Variants in MAP4K5 observed in about 807,000 individuals in gnomAD.
The protein encoded by MAP4K5 is mitogen-activated protein kinase kinase kinase kinase 5.
MAP4K5 carries 82 observed loss-of-function variants against 135.6 expected under a neutral mutation model. That is an observed-to-expected ratio of 0.60 (90% CI 0.51 to 0.73). The LOEUF (loss-of-function observed/expected upper bound fraction) is 0.73. Ranked by LOEUF, MAP4K5 falls within the 30% of genes least tolerant of loss-of-function variation. MAP4K5 has a pLI of 0.00. For missense variants in MAP4K5, 907 were observed against 1,010.9 expected, an observed-to-expected ratio of 0.90 and a Z score of 1.39; for synonymous variants, 347 against 335.0, an observed-to-expected ratio of 1.04 and a Z score of -0.39.
chr14:50,459,900 A>T (rs1045550152), intron 13 of MAP4K5, among the ~76,000 whole-genome samples: 1 of 151,962 alleles, frequency 6.6e-6, no homozygotes, highest in African/African-American at 2.4e-5. Context: ...GGGTTTCGCT[A>T]CGTTGCCCAG....
At chr14:50,495,978 A>G (rs1163105362) in intron 3 of MAP4K5, among the ~76,000 whole-genome samples, 2 of 152,186 alleles carry the variant, frequency 1.3e-5, no homozygotes, top group African/African-American at 4.8e-5. Context: ...ATTCTAGACA[A>G]CTATTTCACA....
intron 2 of MAP4K5, among the ~76,000 whole-genome samples, chr14:50,507,405 G>T (rs4901039): frequency 0.97 from 146,953 of 152,182 alleles, 71,144 homozygotes; most frequent in East Asian, 1. Flanking sequence ...TTTTGAATGT[G>T]TTTGCTCTTG....
intron 10 of MAP4K5, chr14:50,468,411 G>A (rs1253038515): frequency 4.3e-6 from 2 of 465,314 alleles, no homozygotes; most frequent in Non-Finnish European, 7.6e-6. Flanking sequence ...GACTAGTCAA[G>A]TACAGTAGTG....
chr14:50,555,145 C>T (rs2038749924), intron 1 of MAP4K5, among the ~76,000 whole-genome samples: 1 of 152,198 alleles, frequency 6.6e-6, no homozygotes. Context: ...CCCTTTTACC[C>T]TTCTGTATGG....
At chr14:50,428,204 G>A (rs955486206) in intron 30 of MAP4K5, among the ~76,000 whole-genome samples, 1 of 151,918 alleles carries the variant, frequency 6.6e-6, no homozygotes, top group African/African-American at 2.4e-5. Context: ...CATGTTTCAG[G>A]TGCTTAACAG....
At chr14:50,544,814 A>G (rs960295813) in intron 1 of MAP4K5, among the ~76,000 whole-genome samples, 5 of 151,790 alleles carry the variant, frequency 3.3e-5, no homozygotes, top group African/African-American at 1.2e-4. Context: ...GCATGACGCT[A>G]TAAATGCAGC....
chr14:50,488,658 G>GC (rs1162666204), intron 3 of MAP4K5, among the ~76,000 whole-genome samples: 2 of 152,146 alleles, frequency 1.3e-5, no homozygotes, highest in African/African-American at 4.8e-5. Flanking sequence ...GTTCCACCCT[G>GC]CAACTGTGTT....
chr14:50,494,151 ATATTAT>A (rs1049468937), intron 3 of MAP4K5, among the ~76,000 whole-genome samples: 2 of 151,464 alleles, frequency 1.3e-5, no homozygotes, highest in African/African-American at 4.8e-5. Flanking sequence ...GAAAAATTTA[ATATTAT>A]TATTATTATT....
intron 26 of MAP4K5, among the ~76,000 whole-genome samples, chr14:50,435,729 T>C (rs2036075610): frequency 6.6e-6 from 1 of 152,136 alleles, no homozygotes; most frequent in East Asian, 1.9e-4. Flanking sequence ...TGTACAGATG[T>C]CTACTTAAGA....
At chr14:50,500,233 T>C (rs2037679417) in intron 3 of MAP4K5, among the ~76,000 whole-genome samples, 1 of 152,138 alleles carries the variant, frequency 6.6e-6, no homozygotes, top group African/African-American at 2.4e-5. Flanking sequence ...ACAAACACAA[T>C]ATATACACGT....
intron 2 of MAP4K5, among the ~76,000 whole-genome samples, chr14:50,530,101 G>GT (rs2038354424): frequency 6.6e-6 from 1 of 152,212 alleles, no homozygotes; most frequent in African/African-American, 2.4e-5. Flanking sequence ...GAATATACAT[G>GT]TAAGTGTGAG....
At chr14:50,421,328 G>A (rs890764359) in intron 32 of MAP4K5, among the ~76,000 whole-genome samples, 16 of 151,758 alleles carry the variant, frequency 1.1e-4, no homozygotes, top group South Asian at 1.0e-3. Flanking sequence ...GCGTGATCTC[G>A]GCACACTGCA....
rs2036191486 is a variant in MAP4K5, at chr14:50,440,082, A to T, written c.1645-9T>A. On this transcript the variant is annotated splice_polypyrimidine_tract_variant and intron_variant, in intron 22 of 32. Coordinates refer to ENST00000682126, the MANE Select transcript of MAP4K5 (RefSeq NM_006575.6). ...CACTTCCGTGGAAATAACTAAGAAAAAGAAGATAATTAAGATTCTCTCATT... is the reference window on the plus strand; with the variant it reads ...CACTTCCGTGGAAATAACTAAGAAATAGAAGATAATTAAGATTCTCTCATT... The T allele has an allele frequency of 2.1e-6, 3 of 1,430,652 alleles. No homozygotes were observed. The highest frequency in any genetic ancestry group is 2.9e-5 in the African/African-American group (2 of 69,562). The allele number at this position is 1,430,652 out of a possible 1,614,324, so 88.6% of individuals were successfully genotyped here.
chr14:50,425,687 C>T (rs2035829848), intron 31 of MAP4K5, among the ~76,000 whole-genome samples: 1 of 152,148 alleles, frequency 6.6e-6, no homozygotes, highest in Admixed American at 6.5e-5. Context: ...ATTGCATGAA[C>T]TTATATTTTG....
chr14:50,544,301 C>T (rs533475593), intron 1 of MAP4K5, among the ~76,000 whole-genome samples: 62 of 152,356 alleles, frequency 4.1e-4, no homozygotes, highest in Non-Finnish European at 7.5e-4. Flanking sequence ...TAACTACCCT[C>T]TTTTCTCTGT....
intron 3 of MAP4K5, among the ~76,000 whole-genome samples, chr14:50,497,336 C>T (rs1449846630): frequency 6.6e-6 from 1 of 152,142 alleles, no homozygotes; most frequent in African/African-American, 2.4e-5. Flanking sequence ...ACATTTGGGG[C>T]ATGTATTTGT....
At chr14:50,492,640 T>G (rs1448876103) in intron 3 of MAP4K5, among the ~76,000 whole-genome samples, 1 of 149,724 alleles carries the variant, frequency 6.7e-6, no homozygotes, top group African/African-American at 2.5e-5. Context: ...ACCAACAAAG[T>G]GAAAAAGCAA....
chr14:50,530,863 A>T (rs918939770), intron 2 of MAP4K5, among the ~76,000 whole-genome samples: 1 of 152,152 alleles, frequency 6.6e-6, no homozygotes, highest in African/African-American at 2.4e-5. Flanking sequence ...TGCTAATATT[A>T]ATTAGGAGGA....
At position 50,532,430 on chromosome 14, in the gene MAP4K5, G is replaced by T. The variant is rs1156885409; in HGVS notation, c.-110+18C>A. 2 of 171,350 alleles carry T rather than the reference G, an allele frequency of 1.2e-5. No homozygotes were observed. Among genetic ancestry groups the T allele is most frequent in the East Asian group, 3.1e-4 (2 of 6,430 alleles). 10.6% of individuals were successfully genotyped at this position (171,350 alleles called of 1,614,324 possible). Reference sequence around the variant, plus strand: ...GGGGGCGGCCCCGTCTTTGTTGAGCGCGGAGCCCGGGACCTACTTCCTAGA... The same window carrying T: ...GGGGGCGGCCCCGTCTTTGTTGAGCTCGGAGCCCGGGACCTACTTCCTAGA... On this transcript the variant is annotated intron_variant, in intron 1 of 32. Transcript: ENST00000682126.
Sources: gnomAD v4.1 joint callset for allele counts (sites outside exome capture counted in the v4.1 genomes callset) on GRCh38, gnomAD v4.1.1 for gene constraint, MANE v1.5 for transcripts, NCBI Gene and HGNC (gene_info 2026-07-23, HGNC 2026-07-21) for gene names.